The following ABTB3 variants were observed in gnomAD, a reference collection of about 807,000 sequenced individuals.
The protein encoded by ABTB3 is ankyrin repeat and BTB domain containing 3, also known as ankyrin repeat- and BTB/POZ domain-containing protein 3.
chr12:107,558,698 ATAATTT>A, the ABTB3 span, among the ~76,000 whole-genome samples: 1 of 152,194 alleles, frequency 6.6e-6, no homozygotes, highest in Non-Finnish European at 1.5e-5. Flanking sequence ...CCTTCAGTGA[ATAATTT>A]TAATAGTCCT....
the ABTB3 span, among the ~76,000 whole-genome samples, chr12:107,574,493 C>T: frequency 6.6e-6 from 1 of 152,140 alleles, no homozygotes; most frequent in Non-Finnish European, 1.5e-5. Context: ...GAGGCCAAGG[C>T]AGGTGGATGA....
the ABTB3 span, among the ~76,000 whole-genome samples, chr12:107,611,218 CT>C: frequency 2.5e-4 from 38 of 151,536 alleles, no homozygotes; most frequent in African/African-American, 8.0e-4. Flanking sequence ...GTTGAATATT[CT>C]TTTTTTTTAA....
the ABTB3 span, among the ~76,000 whole-genome samples, chr12:107,417,911 C>G: frequency 3.9e-5 from 6 of 152,206 alleles, no homozygotes; most frequent in African/African-American, 1.4e-4. Flanking sequence ...GACCCATGGC[C>G]CCACCAGTAG....
the ABTB3 span, among the ~76,000 whole-genome samples, chr12:107,516,349 G>A: frequency 6.6e-6 from 1 of 151,916 alleles, no homozygotes; most frequent in Non-Finnish European, 1.5e-5. Context: ...TCCTGCCTCA[G>A]CTTCCTGAGT....
the ABTB3 span, among the ~76,000 whole-genome samples, chr12:107,570,020 A>C: frequency 6.6e-6 from 1 of 152,210 alleles, no homozygotes; most frequent in Admixed American, 6.5e-5. Context: ...TCTCACAAGG[A>C]ACCGCTGCTT....
the ABTB3 span, among the ~76,000 whole-genome samples, chr12:107,478,617 G>A: frequency 1.3e-5 from 2 of 152,138 alleles, no homozygotes; most frequent in Non-Finnish European, 2.9e-5. Context: ...AAATGATGAG[G>A]CAATGTCTTG....
the ABTB3 span, among the ~76,000 whole-genome samples, chr12:107,513,568 T>C: frequency 1.3e-5 from 2 of 152,196 alleles, no homozygotes; most frequent in African/African-American, 2.4e-5. Flanking sequence ...TCCCCAGCAA[T>C]GCGGAACTGT....
At chr12:107,581,425 G>C in the ABTB3 span, 1 of 789,064 alleles carries the variant, frequency 1.3e-6, no homozygotes, top group Non-Finnish European at 1.7e-6. Context: ...CGGCGCTGGG[G>C]TGGAGGCTCC....
At chr12:107,459,554 T>C in the ABTB3 span, among the ~76,000 whole-genome samples, 1 of 152,036 alleles carries the variant, frequency 6.6e-6, no homozygotes, top group Admixed American at 6.5e-5. Context: ...GAGATGGCCT[T>C]GAAGGGGAGG....
chr12:107,412,315 C>A, the ABTB3 span, among the ~76,000 whole-genome samples: 3 of 152,264 alleles, frequency 2.0e-5, no homozygotes, highest in African/African-American at 7.2e-5. Flanking sequence ...GCCCAAGGCC[C>A]CACAGCTCAC....
chr12:107,539,830 G>A, the ABTB3 span, among the ~76,000 whole-genome samples: 1 of 152,216 alleles, frequency 6.6e-6, no homozygotes, highest in Admixed American at 6.5e-5. Flanking sequence ...GTTTACACAG[G>A]CTGGAGCTGA....
the ABTB3 span, among the ~76,000 whole-genome samples, chr12:107,642,558 G>C: frequency 6.6e-6 from 1 of 152,176 alleles, no homozygotes; most frequent in Non-Finnish European, 1.5e-5. Flanking sequence ...AGACCTCTTG[G>C]ATGAGGTCTT....
the ABTB3 span, among the ~76,000 whole-genome samples, chr12:107,416,591 T>C: frequency 6.6e-6 from 1 of 152,324 alleles, no homozygotes; most frequent in East Asian, 1.9e-4. Context: ...ACAGTTGAAC[T>C]AGAAAGCAGT....
the ABTB3 span, among the ~76,000 whole-genome samples, chr12:107,460,518 G>A: frequency 7.7e-3 from 1,176 of 152,278 alleles, 18 homozygotes; most frequent in African/African-American, 0.027. Flanking sequence ...AAATAGCTGG[G>A]TGTGATGGCA....
chr12:107,399,889 C>T, the ABTB3 span, among the ~76,000 whole-genome samples: 1 of 152,096 alleles, frequency 6.6e-6, no homozygotes, highest in Non-Finnish European at 1.5e-5. Flanking sequence ...TCCCTGTGTC[C>T]ATGTGTTCTC....
At chr12:107,392,375 G>A in the ABTB3 span, among the ~76,000 whole-genome samples, 4 of 152,110 alleles carry the variant, frequency 2.6e-5, no homozygotes, top group Admixed American at 6.5e-5. Flanking sequence ...CCCCTTAGAA[G>A]GAAGTAGCTA....
chr12:107,450,772 C>T, the ABTB3 span, among the ~76,000 whole-genome samples: 1 of 152,092 alleles, frequency 6.6e-6, no homozygotes, highest in Non-Finnish European at 1.5e-5. Flanking sequence ...ACTTCAGCCC[C>T]TGCTTTGGGA....
chr12:107,640,962 G>T, the ABTB3 span, among the ~76,000 whole-genome samples: 1 of 152,186 alleles, frequency 6.6e-6, no homozygotes, highest in Non-Finnish European at 1.5e-5. Context: ...AGTGAGGCTG[G>T]GGCGGAGGAG....
chr12:107,562,880 C>T, the ABTB3 span, among the ~76,000 whole-genome samples: 4 of 152,206 alleles, frequency 2.6e-5, no homozygotes, highest in Admixed American at 6.5e-5. Context: ...AGCCTTTTGG[C>T]CAGTGACACT....
Sources: gnomAD v4.1 joint callset for allele counts (sites outside exome capture counted in the v4.1 genomes callset) on GRCh38, gnomAD v4.1.1 for gene constraint, MANE v1.5 for transcripts, NCBI Gene and HGNC (gene_info 2026-07-23, HGNC 2026-07-21) for gene names.